TMEM267: variants seen among roughly 807,000 people sequenced by gnomAD.
TMEM267 encodes transmembrane protein C5orf28.
A neutral mutation model predicts 19.3 loss-of-function variants in TMEM267; 20 were observed. The ratio of observed to expected loss-of-function variants is 1.04; its 90% CI spans 0.73 to 1.51. The LOEUF is 1.51. TMEM267 is among the 40% of genes most tolerant of loss of function. The pLI, the probability that TMEM267 is intolerant of heterozygous loss-of-function variation, is 0.00. For synonymous variants in TMEM267, 88 were observed against 90.3 expected (o/e 0.97, Z 0.15); for missense variants, 242 against 261.9 (o/e 0.92, Z 0.52).
intron 2 of TMEM267, among the ~76,000 whole-genome samples, chr5:43,452,759 C>T (rs1027448127): frequency 1.3e-5 from 2 of 152,144 alleles, no homozygotes; most frequent in Non-Finnish European, 2.9e-5. Flanking sequence ...GATTAAGTTT[C>T]TAAATAAGTG....
rs533145120 is a variant in TMEM267, at chr5:43,446,175, A to C, written c.*47T>G. ...ATTAACTTTAATGTTGGCTACTCTT[A>C]ATTATCATCATCTGAGCCATTTGCT... is the stretch of plus-strand genomic sequence containing the variant. On this transcript the variant is annotated 3_prime_UTR_variant, in exon 3 of 3. Coordinates refer to ENST00000397080, the MANE Select transcript of TMEM267 (RefSeq NM_022483.5). 8 of 1,195,528 alleles carry C rather than the reference A, an allele frequency of 6.7e-6. No individual in the cohort carries two copies. Among genetic ancestry groups the C allele is most frequent in the Non-Finnish European group, 9.6e-6 (8 of 833,214 alleles). The allele number at this position is 1,195,528 out of a possible 1,614,324, so 74.1% of individuals were successfully genotyped here.
chr5:43,458,449 A>G (rs1743076968), intron 1 of TMEM267, among the ~76,000 whole-genome samples: 1 of 152,202 alleles, frequency 6.6e-6, no homozygotes, highest in Non-Finnish European at 1.5e-5. Flanking sequence ...CTACTTATTT[A>G]AAAGTCTACA....
intron 1 of TMEM267, among the ~76,000 whole-genome samples, chr5:43,466,985 C>T (rs755493580): frequency 5.9e-5 from 9 of 151,582 alleles, no homozygotes; most frequent in Non-Finnish European, 1.2e-4. Context: ...CCTGTCTCTA[C>T]TAAAAATATA....
intron 2 of TMEM267, among the ~76,000 whole-genome samples, chr5:43,450,586 A>C (rs1326798056): frequency 6.6e-6 from 1 of 152,200 alleles, no homozygotes; most frequent in Non-Finnish European, 1.5e-5. Flanking sequence ...CAGTGAGGCT[A>C]GTTACTTCCC....
intron 1 of TMEM267, among the ~76,000 whole-genome samples, chr5:43,468,056 G>A (rs758732165): frequency 3.8e-4 from 57 of 148,688 alleles, no homozygotes; most frequent in Non-Finnish European, 5.9e-4. Flanking sequence ...GACAGCTAAT[G>A]CTCAAAATTC....
intron 2 of TMEM267, among the ~76,000 whole-genome samples, chr5:43,451,556 C>A (rs574044221): frequency 6.6e-6 from 1 of 152,234 alleles, no homozygotes; most frequent in East Asian, 1.9e-4. Flanking sequence ...GAGATGCCAT[C>A]ACACACCATC....
chr5:43,453,271 T>G (rs936932734), intron 2 of TMEM267, among the ~76,000 whole-genome samples: 4 of 152,194 alleles, frequency 2.6e-5, no homozygotes, highest in African/African-American at 9.6e-5. Flanking sequence ...AAGGGGGAAA[T>G]GTTAAGTGTG....
chr5:43,467,346 A>G (rs1579814924), intron 1 of TMEM267, among the ~76,000 whole-genome samples: 1 of 152,126 alleles, frequency 6.6e-6, no homozygotes, highest in Non-Finnish European at 1.5e-5. Context: ...CAAGAAACAC[A>G]CTTTACCTAT....
At chr5:43,478,330 A>C (rs904280807) in intron 1 of TMEM267, among the ~76,000 whole-genome samples, 1 of 152,346 alleles carries the variant, frequency 6.6e-6, no homozygotes, top group East Asian at 1.9e-4. Flanking sequence ...AAGAAAGGGA[A>C]TCAATTTGGT....
In TMEM267 at chr5:43,453,688, G is replaced by A; in HGVS notation, c.282C>T (p.His94=). 6.2e-7 allele frequency: 1 copy of A among 1,613,872 alleles called. No homozygotes were observed. Among genetic ancestry groups the A allele is most frequent in the Non-Finnish European group, 8.5e-7 (1 of 1,179,908 alleles). ...AAGACATGGATCCAGCTAGAAAAAA[G>A]TGGTCTACATCAATAACAGAGGCTA... ...GFLASVIDVD[H]FFLAGSMSLK... is the part of the protein sequence containing the mutation. Residue 94 remains histidine (H), a synonymous_variant, in exon 2 of 3, where the codon CAC becomes CAT. Coordinates refer to ENST00000397080, the MANE Select transcript of TMEM267 (RefSeq NM_022483.5).
intron 1 of TMEM267, among the ~76,000 whole-genome samples, chr5:43,456,710 C>G (rs553880497): frequency 6.6e-6 from 1 of 152,192 alleles, no homozygotes; most frequent in Admixed American, 6.5e-5. Context: ...AGATATCACA[C>G]ACCTGTTAAA....
chr5:43,447,022 T>C (rs1261851129), intron 2 of TMEM267, among the ~76,000 whole-genome samples: 1 of 152,060 alleles, frequency 6.6e-6, no homozygotes, highest in East Asian at 1.9e-4. Context: ...TTGGAATTTA[T>C]TTACAACATT....
intron 1 of TMEM267, among the ~76,000 whole-genome samples, chr5:43,482,437 T>C (rs1744842469): frequency 6.6e-6 from 1 of 152,204 alleles, no homozygotes; most frequent in African/African-American, 2.4e-5. Context: ...CCTTTTCCAC[T>C]TCCTATTCCT....
intron 1 of TMEM267, among the ~76,000 whole-genome samples, chr5:43,469,633 G>A (rs1237072503): frequency 6.6e-6 from 1 of 152,198 alleles, no homozygotes; most frequent in Non-Finnish European, 1.5e-5. Context: ...AGCTGTATAT[G>A]ACAGATCCAT....
At chr5:43,447,786 G>A (rs1382790853) in intron 2 of TMEM267, among the ~76,000 whole-genome samples, 2 of 152,118 alleles carry the variant, frequency 1.3e-5, no homozygotes, top group South Asian at 2.1e-4. Context: ...GAGAAGAGGG[G>A]AAACCTAAGA....
chr5:43,462,262 T>C (rs1356606845), intron 1 of TMEM267, among the ~76,000 whole-genome samples: 1 of 152,142 alleles, frequency 6.6e-6, no homozygotes, highest in Non-Finnish European at 1.5e-5. Flanking sequence ...ATAGTTTAGA[T>C]TATAACACCA....
intron 1 of TMEM267, among the ~76,000 whole-genome samples, chr5:43,473,675 G>T (rs1349055400): frequency 2.0e-5 from 3 of 152,100 alleles, no homozygotes; most frequent in Non-Finnish European, 4.4e-5. Flanking sequence ...CATGAAAATG[G>T]CCATACTGCC....
At chr5:43,468,001 C>G (rs931490989) in intron 1 of TMEM267, among the ~76,000 whole-genome samples, 1 of 151,744 alleles carries the variant, frequency 6.6e-6, no homozygotes, top group Non-Finnish European at 1.5e-5. Context: ...AAAAATGCCA[C>G]ATTTTGAGAC....
chr5:43,452,263 C>G (rs1421025236), intron 2 of TMEM267, among the ~76,000 whole-genome samples: 1 of 151,788 alleles, frequency 6.6e-6, no homozygotes, highest in Non-Finnish European at 1.5e-5. Context: ...CACTACTTGC[C>G]CATACAAAAT....
Sources: allele counts gnomAD v4.1 joint callset (sites outside exome capture counted in the v4.1 genomes callset), GRCh38; gene constraint gnomAD v4.1.1; transcripts MANE v1.5; gene names NCBI Gene and HGNC (gene_info 2026-07-23, HGNC 2026-07-21).